Variants in AFDN observed in about 807,000 individuals in gnomAD.
AFDN encodes the protein afadin, adherens junction formation factor.
AFDN carries 68 observed loss-of-function variants against 216.6 expected under a neutral mutation model. The ratio of observed to expected loss-of-function variants is 0.31; its 90% CI spans 0.26 to 0.38. AFDN has a LOEUF of 0.38. AFDN is among the 10% of genes least tolerant of loss of function. The pLI, the probability that AFDN is intolerant of heterozygous loss-of-function variation, is 1.00. For synonymous variants in AFDN, 868 were observed against 853.7 expected, an observed-to-expected ratio of 1.02 and a Z score of -0.29; for missense variants, 2,136 against 2,342.0, an observed-to-expected ratio of 0.91 and a Z score of 1.82.
chr6:167,872,891 T>C (rs954845434), intron 4 of AFDN, among the ~76,000 whole-genome samples: 1 of 152,180 alleles, frequency 6.6e-6, no homozygotes, highest in African/African-American at 2.4e-5. Flanking sequence ...CTATTTTAAG[T>C]GTTTGAGGAT....
chr6:167,826,764 C>T (rs1482630314), upstream of AFDN: 1 of 352,360 alleles, frequency 2.8e-6, no homozygotes. Context: ...CACCTCCCTC[C>T]CTGGCGGCCG....
chr6:167,958,529 C>T (rs946102756), intron 30 of AFDN, among the ~76,000 whole-genome samples: 1 of 152,182 alleles, frequency 6.6e-6, no homozygotes, highest in African/African-American at 2.4e-5. Flanking sequence ...CTTGTTAACA[C>T]GTTTTAATGG....
At position 167,872,301 on chromosome 6, in the gene AFDN, G is replaced by A. The variant is rs1784880962; in HGVS notation, c.502G>A (p.Glu168Lys). 1 of 1,613,546 alleles carries A rather than the reference G, an allele frequency of 6.2e-7. No individual in the cohort carries two copies. The change falls in exon 4 of 34, where the codon GAA (glutamate) becomes AAA (lysine). Residue 168 changes from glutamate (E) to lysine (K), a missense_variant. Glu to Lys is a moderately conservative substitution (Grantham distance 56). Around this residue, in one of 8 missense-constraint regions of AFDN, gnomAD observed 817 missense variants for 965.7 expected, o/e 0.85. Transcript: ENST00000683244. ...KRTLSKKEKK[E>K]KKKREKEALR... ...AACTCTCTCAAAGAAAGAAAAGAAG[G>A]AAAAAAAGAAGAGAGAAAAAGAGGC...
intron 32 of AFDN, among the ~76,000 whole-genome samples, chr6:167,967,569 A>T (rs1326338293): frequency 6.6e-6 from 1 of 151,050 alleles, no homozygotes; most frequent in Non-Finnish European, 1.5e-5. Flanking sequence ...AACCTAAGAT[A>T]TTTTTTTATG....
At chr6:167,906,097 C>G (rs1029549301) in intron 12 of AFDN, among the ~76,000 whole-genome samples, 36 of 152,114 alleles carry the variant, frequency 2.4e-4, no homozygotes, top group Admixed American at 1.6e-3. Context: ...AGCGAGACTC[C>G]GTCCCAAGAA....
chr6:167,929,146 C>A (rs1230488704), intron 23 of AFDN, among the ~76,000 whole-genome samples: 1 of 151,394 alleles, frequency 6.6e-6, no homozygotes, highest in African/African-American at 2.4e-5. Context: ...AAAGTGGTGT[C>A]TAATAGTTAA....
chr6:167,969,155 G>A lies in AFDN; in HGVS notation c.5299G>A (p.Ala1767Thr). 3 of 1,614,018 alleles carry A rather than the reference G, an allele frequency of 1.9e-6. No homozygotes were observed. Among genetic ancestry groups the A allele is most frequent in the Non-Finnish European group, 2.5e-6 (3 of 1,179,876 alleles). ...YPGSTGAAVG[A>T]HDACRDAKEK... ...AGGATCTACTGGAGCAGCTGTTGGA[G>A]CCCATGACGCCTGTCGGGATGCAAA... The change falls in exon 33 of 34, where the codon GCC becomes ACC. Residue 1767 changes from alanine (A) to threonine (T), a missense_variant. This residue lies in a region of AFDN where 981 missense variants were observed against 966.0 expected (regional missense o/e 1.02). Coordinates refer to ENST00000683244, the MANE Select transcript of AFDN (RefSeq NM_001386888.1).
chr6:167,945,360 G>A (rs746629636), intron 26 of AFDN, among the ~76,000 whole-genome samples: 15 of 151,956 alleles, frequency 9.9e-5, no homozygotes, highest in African/African-American at 1.5e-4. Flanking sequence ...GCCTTTTTCT[G>A]GAAGGCTTCC....
At chr6:167,899,056 C>T (rs905932791) in intron 11 of AFDN, among the ~76,000 whole-genome samples, 1 of 152,100 alleles carries the variant, frequency 6.6e-6, no homozygotes, top group Non-Finnish European at 1.5e-5. Context: ...CTGCTTAAAA[C>T]AACTGAAAAC....
In AFDN at chr6:167,872,469, G is replaced by C. The variant is rs965118633; in HGVS notation, c.578+92G>C. ...ATTGTTAAATTTTCAGATAAATTAT[G>C]GAAAGGATGAGTATCAGTCAGGAAA... On this transcript the variant is annotated intron_variant, in intron 4 of 33. Transcript: ENST00000683244. 3.7e-6 allele frequency: 5 copies of C among 1,353,818 alleles called. No homozygotes were observed. The African/African-American group carries it at 5.8e-5, about 16-fold the overall frequency. The allele number at this position is 1,353,818 out of a possible 1,614,324, so 83.9% of individuals were successfully genotyped here.
chr6:167,915,907 TATCTC>T (rs1344185272), intron 19 of AFDN, among the ~76,000 whole-genome samples: 2 of 152,232 alleles, frequency 1.3e-5, no homozygotes, highest in Non-Finnish European at 2.9e-5. Flanking sequence ...TCCCCAGAGA[TATCTC>T]ATATATGTCA....
In AFDN at chr6:167,969,176, G is replaced by A; in HGVS notation, c.5320G>A (p.Ala1774Thr). The stretch of plus-strand genomic sequence containing the variant: ...TGGAGCCCATGACGCCTGTCGGGAT[G>A]CAAAAGAGAAGCGCTCTAAAAGGTA... ...AVGAHDACRD[A>T]KEKRSKSQDA... is the part of the protein sequence containing the mutation. Residue 1774 changes from alanine (A) to threonine (T), a missense_variant, in exon 33 of 34, where the codon GCA (alanine) becomes ACA (threonine). Transcript: ENST00000683244. The A allele has an allele frequency of 6.2e-7, 1 of 1,613,920 alleles. No homozygotes were observed. Among genetic ancestry groups the A allele is most frequent in the Non-Finnish European group, 8.5e-7 (1 of 1,179,814 alleles).
At chr6:167,901,959 G>A (rs1053815798) in intron 11 of AFDN, among the ~76,000 whole-genome samples, 3 of 151,916 alleles carry the variant, frequency 2.0e-5, no homozygotes, top group African/African-American at 7.3e-5. Flanking sequence ...CGGGCATGGT[G>A]GCCCTTGTCT....
At chr6:167,913,515 A>T in intron 16 of AFDN, 92 bp downstream of exon 16, 2 of 1,195,906 alleles carry the variant, frequency 1.7e-6, no homozygotes, top group Non-Finnish European at 2.4e-6. Flanking sequence ...CAACAGCTGG[A>T]CTGAACAGCT....
intron 21 of AFDN, among the ~76,000 whole-genome samples, chr6:167,921,240 A>G (rs1791755861): frequency 6.6e-6 from 1 of 152,268 alleles, no homozygotes; most frequent in Non-Finnish European, 1.5e-5. Context: ...AGTTGGAAAT[A>G]GTGAGCTCTT....
intron 23 of AFDN, among the ~76,000 whole-genome samples, chr6:167,931,175 C>T (rs1793253718): frequency 6.6e-6 from 1 of 152,146 alleles, no homozygotes; most frequent in African/African-American, 2.4e-5. Context: ...TTTGGATTGG[C>T]TTATGAGTTG....
chr6:167,933,100 T>G (rs1324727674), intron 23 of AFDN, among the ~76,000 whole-genome samples: 1 of 152,244 alleles, frequency 6.6e-6, no homozygotes, highest in Non-Finnish European at 1.5e-5. Flanking sequence ...CAAGAATATC[T>G]ATGATGTAAC....
intron 26 of AFDN, 88 bp from the exon 27 acceptor site, chr6:167,946,618 AT>A: frequency 1.7e-6 from 2 of 1,189,310 alleles, no homozygotes; most frequent in Non-Finnish European, 2.4e-6. Flanking sequence ...CTTATTTCTT[AT>A]GCTAAGAACA....
intron 1 of AFDN, among the ~76,000 whole-genome samples, chr6:167,846,130 A>AG (rs1325614802): frequency 9.6e-6 from 1 of 103,878 alleles, no homozygotes; most frequent in Non-Finnish European, 2.8e-5. Flanking sequence ...AAACCATATC[A>AG]CTTGAGTTAC....
Sources: gnomAD v4.1 joint callset for allele counts (sites outside exome capture counted in the v4.1 genomes callset) on GRCh38, gnomAD v4.1.1 for gene constraint, gnomAD v4.1.1 regional missense constraint, MANE v1.5 for transcripts, NCBI Gene and HGNC (gene_info 2026-07-23, HGNC 2026-07-21) for gene names.